The following PDE7A variants were observed in gnomAD, a reference collection of about 807,000 sequenced individuals.
PDE7A encodes phosphodiesterase 7A.
In PDE7A, 39 loss-of-function variants were observed where a neutral mutation model predicts 64.3. That is an observed-to-expected ratio of 0.61 (90% CI 0.47 to 0.79). The LOEUF (loss-of-function observed/expected upper bound fraction) is 0.79, where lower values mean the gene tolerates loss of function less well. Among genes scored for constraint, PDE7A ranks in the 30% least tolerant of loss-of-function variants. PDE7A has a pLI of 0.00. For synonymous variants in PDE7A, 203 were observed against 206.8 expected (o/e 0.98, Z 0.16); for missense variants, 470 against 582.8 (o/e 0.81, Z 1.99).
intron 7 of PDE7A, among the ~76,000 whole-genome samples, chr8:65,732,962 A>C (rs1806961788): frequency 6.6e-6 from 1 of 152,058 alleles, no homozygotes; most frequent in African/African-American, 2.4e-5. Context: ...CATCCGCCTC[A>C]GCCTCCCAAA....
chr8:65,814,734 T>C (rs1810352248), intron 1 of PDE7A, among the ~76,000 whole-genome samples: 1 of 152,048 alleles, frequency 6.6e-6, no homozygotes, highest in South Asian at 2.1e-4. Context: ...CCAGGTGTGG[T>C]GGCTCATGCC....
chr8:65,775,786 C>A (rs577927414), intron 3 of PDE7A, among the ~76,000 whole-genome samples: 1 of 152,260 alleles, frequency 6.6e-6, no homozygotes, highest in South Asian at 2.1e-4. Flanking sequence ...CACCACTGCA[C>A]CTGGCTAATT....
chr8:65,815,951 G>C (rs1429520295), intron 1 of PDE7A, among the ~76,000 whole-genome samples: 1 of 152,174 alleles, frequency 6.6e-6, no homozygotes, highest in Non-Finnish European at 1.5e-5. Context: ...TCAGTGCAAA[G>C]CCTAAAGTGA....
chr8:65,797,164 T>C (rs1348662192), intron 1 of PDE7A, among the ~76,000 whole-genome samples: 1 of 152,196 alleles, frequency 6.6e-6, no homozygotes, highest in Non-Finnish European at 1.5e-5. Flanking sequence ...AAACATAGTA[T>C]GGGGTTGAAT....
At chr8:65,792,610 T>C (rs1209617614) in intron 1 of PDE7A, among the ~76,000 whole-genome samples, 1 of 152,212 alleles carries the variant, frequency 6.6e-6, no homozygotes, top group East Asian at 1.9e-4. Flanking sequence ...CAGAGTTCTT[T>C]ATACAAATGT....
chr8:65,798,056 T>C (rs1462283230), intron 1 of PDE7A, among the ~76,000 whole-genome samples: 1 of 149,836 alleles, frequency 6.7e-6, no homozygotes, highest in Non-Finnish European at 1.5e-5. Flanking sequence ...AGTGTTAAGA[T>C]ATAAAAAGGC....
In PDE7A at chr8:65,760,646, T is replaced by C. The variant is rs188371373; in HGVS notation, c.284-12843A>G. 2.6e-5 allele frequency among the ~76,000 whole-genome samples: 4 copies of C among 152,296 alleles called. No homozygotes were observed. In the East Asian group the frequency reaches 7.7e-4, roughly 29 times the overall value. On this transcript the variant is annotated intron_variant, in intron 3 of 12. Coordinates refer to ENST00000401827, the MANE Select transcript of PDE7A (RefSeq NM_001242318.3). Reference sequence around the variant, plus strand: ...CAAGGATAAAACATGATGAGATCACTTTAAGACTGTTGGAAATTTTTAGTT... The same window carrying C: ...CAAGGATAAAACATGATGAGATCACCTTAAGACTGTTGGAAATTTTTAGTT...
chr8:65,831,551 T>A (rs1244204683), intron 1 of PDE7A, among the ~76,000 whole-genome samples: 1 of 152,056 alleles, frequency 6.6e-6, no homozygotes, highest in Non-Finnish European at 1.5e-5. Context: ...AAACAATAAC[T>A]ATACTTAATT....
rs1806063872 is a variant in PDE7A, at chr8:65,714,689, AAAC to A, written c.*4598_*4600del. 1 of 152,224 alleles carries A rather than the reference AAAC, an allele frequency of 6.6e-6. No individual in the cohort carries two copies. The highest frequency in any genetic ancestry group is 6.5e-5 in the Admixed American group (1 of 15,288). 9.4% of individuals were successfully genotyped at this position (152,224 alleles called of 1,614,324 possible). The stretch of plus-strand genomic sequence containing the variant: ...AGGAGATACCGATTGAGGGGATTTT[AAAC>A]AACATTTATACATTAAAATATTTAT... On this transcript the variant is annotated 3_prime_UTR_variant, in exon 13 of 13. Transcript: ENST00000401827.
chr8:65,719,526 A>G, intron 12 of PDE7A, 31 bp from the exon 13 acceptor site: 2 of 1,380,726 alleles, frequency 1.4e-6, no homozygotes, highest in Non-Finnish European at 2.1e-6. Context: ...AGTTATTAAC[A>G]TATATGCTGA....
chr8:65,728,894 TGAC>T (rs1806718855), intron 7 of PDE7A, among the ~76,000 whole-genome samples: 1 of 152,086 alleles, frequency 6.6e-6, no homozygotes, highest in Non-Finnish European at 1.5e-5. Flanking sequence ...AATAGGAACA[TGAC>T]AATAAGCAAC....
At chr8:65,720,600 A>G (rs1481373309) in intron 12 of PDE7A, 1 of 153,968 alleles carries the variant, frequency 6.5e-6, no homozygotes, top group African/African-American at 2.4e-5. Flanking sequence ...AATATGTGCA[A>G]TAAGGCTTTC....
Position 65,772,370 on chromosome 8 carries a change from T to C in PDE7A, c.283+7350A>G, listed in dbSNP as rs535531676. On this transcript the variant is annotated intron_variant, in intron 3 of 12. Transcript: ENST00000401827. ...ATACAAGGTAGAGGGCACATTATAG[T>C]CTTTCAAAGCTTCAGTACCTCTGAA... is the stretch of plus-strand genomic sequence containing the variant. 1.4e-4 allele frequency among the ~76,000 whole-genome samples: 21 copies of C among 152,344 alleles called. 1 individual carries two copies. In the South Asian group the frequency reaches 4.4e-3, roughly 32 times the overall value.
At chr8:65,781,672 T>C (rs1193770401) in intron 2 of PDE7A, among the ~76,000 whole-genome samples, 3 of 152,126 alleles carry the variant, frequency 2.0e-5, no homozygotes, top group Admixed American at 6.5e-5. Context: ...AGAGTGGAGT[T>C]ATATTTACTG....
chr8:65,805,620 T>G (rs1181493160), intron 1 of PDE7A, among the ~76,000 whole-genome samples: 1 of 152,202 alleles, frequency 6.6e-6, no homozygotes, highest in African/African-American at 2.4e-5. Flanking sequence ...TTATCGTTTT[T>G]CAGTTGTCCC....
intron 3 of PDE7A, among the ~76,000 whole-genome samples, chr8:65,773,190 C>G (rs1809161814): frequency 6.6e-6 from 1 of 152,094 alleles, no homozygotes; most frequent in African/African-American, 2.4e-5. Context: ...ACAAAACACA[C>G]TAGATTACAA....
chr8:65,773,150 G>A (rs550601480), intron 3 of PDE7A, among the ~76,000 whole-genome samples: 1 of 152,168 alleles, frequency 6.6e-6, no homozygotes, highest in African/African-American at 2.4e-5. Context: ...GCAGGAGCAC[G>A]TGCTCATTTC....
intron 1 of PDE7A, among the ~76,000 whole-genome samples, chr8:65,798,382 G>C (rs1044094302): frequency 6.6e-5 from 10 of 151,468 alleles, no homozygotes; most frequent in African/African-American, 2.4e-4. Context: ...GCTAATTTTT[G>C]TATTTTTACT....
chr8:65,818,551 T>G (rs1563519282), intron 1 of PDE7A, among the ~76,000 whole-genome samples: 1 of 152,296 alleles, frequency 6.6e-6, no homozygotes, highest in East Asian at 1.9e-4. Context: ...TACCTCAAGA[T>G]AGCAAGGCTT....
Sources: allele counts gnomAD v4.1 joint callset (sites outside exome capture counted in the v4.1 genomes callset), GRCh38; gene constraint gnomAD v4.1.1; transcripts MANE v1.5; gene names NCBI Gene and HGNC (gene_info 2026-07-23, HGNC 2026-07-21).